The following CNTN5 variants were observed in gnomAD, a reference collection of about 807,000 sequenced individuals.
CNTN5 encodes the protein contactin 5.
Under a neutral mutation model 129.1 loss-of-function variants are expected in CNTN5, and 77 were observed. The ratio of observed to expected loss-of-function variants is 0.60; its 90% CI spans 0.50 to 0.72. CNTN5 has a LOEUF of 0.72. CNTN5 is among the 30% of genes least tolerant of loss of function. The pLI is 0.00. For missense variants in CNTN5, 1,478 were observed against 1,328.8 expected (o/e 1.11, Z -1.75); for synonymous variants, 509 against 465.6 (o/e 1.09, Z -1.20).
At chr11:99,102,821 T>G (rs2135355515) in intron 1 of CNTN5, among the ~76,000 whole-genome samples, 1 of 152,274 alleles carries the variant, frequency 6.6e-6, no homozygotes, top group Admixed American at 6.5e-5. Flanking sequence ...CCAAAGTTGC[T>G]TCTACATTTT....
chr11:99,679,659 C>A (rs1295948699), intron 3 of CNTN5, among the ~76,000 whole-genome samples: 1 of 152,166 alleles, frequency 6.6e-6, no homozygotes. Flanking sequence ...AGAGACAACA[C>A]TATTGAAATT....
intron 8 of CNTN5, among the ~76,000 whole-genome samples, chr11:99,963,463 A>G (rs903606217): frequency 1.7e-4 from 26 of 152,032 alleles, no homozygotes; most frequent in Middle Eastern, 3.4e-3. Context: ...AGATCAGATG[A>G]TTATAGATAT....
chr11:100,047,774 G>T (rs1300537558), intron 9 of CNTN5, among the ~76,000 whole-genome samples: 2 of 152,138 alleles, frequency 1.3e-5, no homozygotes, highest in Non-Finnish European at 2.9e-5. Context: ...GAGTAAGGAA[G>T]ATTTACCCTC....
At chr11:100,014,619 G>A (rs1940724998) in intron 9 of CNTN5, among the ~76,000 whole-genome samples, 1 of 152,028 alleles carries the variant, frequency 6.6e-6, no homozygotes, top group Non-Finnish European at 1.5e-5. Context: ...AAAATACATA[G>A]ATTTTTATTG....
At chr11:99,968,306 T>C (rs548681117) in intron 8 of CNTN5, among the ~76,000 whole-genome samples, 1 of 152,266 alleles carries the variant, frequency 6.6e-6, no homozygotes, top group African/African-American at 2.4e-5. Flanking sequence ...GGGGGAAAAA[T>C]GTAGAAAGGC....
intron 3 of CNTN5, among the ~76,000 whole-genome samples, chr11:99,750,329 A>G (rs1459995546): frequency 6.6e-6 from 1 of 152,138 alleles, no homozygotes; most frequent in Non-Finnish European, 1.5e-5. Context: ...GACAGTTTGG[A>G]AAGAGAATTT....
intron 2 of CNTN5, among the ~76,000 whole-genome samples, chr11:99,411,584 A>G (rs1327998436): frequency 2.0e-5 from 3 of 152,122 alleles, no homozygotes; most frequent in Non-Finnish European, 4.4e-5. Context: ...TTTTTATCAC[A>G]GCTCTTAGGG....
intron 1 of CNTN5, among the ~76,000 whole-genome samples, chr11:99,055,313 A>G (rs542350641): frequency 2.3e-4 from 35 of 152,178 alleles, no homozygotes; most frequent in African/African-American, 7.5e-4. Flanking sequence ...TTAAGAGGAT[A>G]TTGGAATCTT....
At chr11:99,883,969 A>G (rs552871799) in intron 6 of CNTN5, among the ~76,000 whole-genome samples, 1 of 152,262 alleles carries the variant, frequency 6.6e-6, no homozygotes, top group South Asian at 2.1e-4. Context: ...CTTTTAAATC[A>G]CTGGTAAAAA....
chr11:99,677,678 T>C (rs1221534475), intron 3 of CNTN5, among the ~76,000 whole-genome samples: 1 of 151,510 alleles, frequency 6.6e-6, no homozygotes, highest in Admixed American at 6.6e-5. Context: ...TAAAAATAGG[T>C]TTTCCTCGTT....
chr11:99,361,909 A>G (rs1440306263), intron 2 of CNTN5, among the ~76,000 whole-genome samples: 3 of 152,104 alleles, frequency 2.0e-5, no homozygotes, highest in Admixed American at 6.6e-5. Context: ...TTTGTCTTGT[A>G]TCAACCTTTT....
chr11:100,218,504 C>A (rs907931294), intron 15 of CNTN5, among the ~76,000 whole-genome samples: 1 of 152,154 alleles, frequency 6.6e-6, no homozygotes, highest in African/African-American at 2.4e-5. Flanking sequence ...CAGGACCAAC[C>A]TCATGGGCAT....
intron 21 of CNTN5, among the ~76,000 whole-genome samples, chr11:100,326,674 T>C (rs1206824998): frequency 5.9e-5 from 9 of 152,172 alleles, no homozygotes; most frequent in Admixed American, 4.6e-4. Context: ...TCTGCTACCA[T>C]AAAGCAATCA....
intron 4 of CNTN5, among the ~76,000 whole-genome samples, chr11:99,835,648 A>T (rs900616949): frequency 4.6e-5 from 7 of 152,286 alleles, no homozygotes; most frequent in Middle Eastern, 3.4e-3. Flanking sequence ...AGGATTTAGG[A>T]ATGGAAACAT....
intron 1 of CNTN5, among the ~76,000 whole-genome samples, chr11:99,099,694 G>T (rs910355906): frequency 6.6e-6 from 1 of 152,064 alleles, no homozygotes; most frequent in Non-Finnish European, 1.5e-5. Context: ...TGAAATTGTG[G>T]TGTCCCAGTA....
At chr11:100,043,622 C>G (rs1034783747) in intron 9 of CNTN5, among the ~76,000 whole-genome samples, 2 of 152,114 alleles carry the variant, frequency 1.3e-5, no homozygotes, top group Non-Finnish European at 2.9e-5. Flanking sequence ...ATTTGCCTTG[C>G]TATCTCATAC....
intron 1 of CNTN5, among the ~76,000 whole-genome samples, chr11:99,139,550 G>T (rs1859411933): frequency 6.6e-6 from 1 of 152,150 alleles, no homozygotes; most frequent in Non-Finnish European, 1.5e-5. Flanking sequence ...ATTAGTTAAA[G>T]AGCATGTTAA....
chr11:99,878,820 A>C (rs373614512), intron 6 of CNTN5, among the ~76,000 whole-genome samples: 2 of 152,204 alleles, frequency 1.3e-5, no homozygotes, highest in Admixed American at 6.5e-5. Flanking sequence ...GGGCCAATGC[A>C]CTCCAGCCTG....
chr11:99,943,225 A>T (rs1378372872), intron 7 of CNTN5, among the ~76,000 whole-genome samples: 1 of 152,074 alleles, frequency 6.6e-6, no homozygotes, highest in Non-Finnish European at 1.5e-5. Flanking sequence ...AATGATCGCC[A>T]TTCTAAGTGG....
Sources: gnomAD v4.1 joint callset for allele counts (sites outside exome capture counted in the v4.1 genomes callset) on GRCh38, gnomAD v4.1.1 for gene constraint, MANE v1.5 for transcripts, NCBI Gene and HGNC (gene_info 2026-07-23, HGNC 2026-07-21) for gene names.